The following PRSS50 variants were observed in gnomAD, a reference collection of about 807,000 sequenced individuals.
PRSS50 encodes probable threonine protease PRSS50.
Under a neutral mutation model 34.2 loss-of-function variants are expected in PRSS50, and 23 were observed. That is an observed-to-expected ratio of 0.67 (90% confidence interval 0.48 to 0.95). PRSS50 has a LOEUF of 0.95. Among genes scored for constraint, PRSS50 ranks in the 40% least tolerant of loss-of-function variants. The pLI is 0.00. For synonymous variants in PRSS50, 224 were observed against 211.2 expected (o/e 1.06, Z -0.53); for missense variants, 484 against 513.4 (o/e 0.94, Z 0.55).
chr3:46,714,640 C>T, intron 3 of PRSS50, 139 bp from the exon 4 acceptor site: 1 of 892,164 alleles, frequency 1.1e-6, no homozygotes, highest in Admixed American at 2.9e-5. Context: ...CCTGAGCCTA[C>T]TCCTCACCAC....
chr3:46,714,508 G>T lies in PRSS50; in HGVS notation c.471-7C>A, dbSNP rs532353494. On this transcript the variant is annotated splice_polypyrimidine_tract_variant and splice_region_variant and intron_variant, in intron 3 of 5. Transcript: ENST00000315170. Reference sequence around the variant, plus strand: ...TGAGTAGATAACATCACGCCTAGGGGGGCCGTGAGGGGAGGCCATGATCAG... The same window carrying T: ...TGAGTAGATAACATCACGCCTAGGGTGGCCGTGAGGGGAGGCCATGATCAG... The T allele has an allele frequency of 2.8e-5, 44 of 1,564,118 alleles. 1 individual carries two copies. In the South Asian group the frequency reaches 5.0e-4, roughly 18 times the overall value.
In PRSS50 at chr3:46,717,846, G is replaced by A. The variant is rs1052032311; in HGVS notation, c.-22C>T. 2.5e-5 allele frequency: 37 copies of A among 1,476,414 alleles called. No individual in the cohort carries two copies. The highest frequency in any genetic ancestry group is 3.3e-5 in the Non-Finnish European group (37 of 1,116,180). The allele number at this position is 1,476,414 out of a possible 1,614,324, so 91.5% of individuals were successfully genotyped here. ...CCATCCCGGGGTGGCAGCCGACTGC[G>A]TCTCTCCGGAAGGCGCTCCCAGTGC... On this transcript the variant is annotated 5_prime_UTR_variant, in exon 1 of 6. It adds an upstream start codon to the 5' untranslated region. Transcript: ENST00000315170. The surrounding 1 kb of genome is among the most constrained non-coding windows in gnomAD (Gnocchi z 4.5).
At chr3:46,714,083 C>T (rs2106793710) in intron 4 of PRSS50, 135 bp downstream of exon 4, 2 of 1,173,584 alleles carry the variant, frequency 1.7e-6, no homozygotes, top group South Asian at 3.2e-5. Flanking sequence ...AGATGAGAGC[C>T]TGGCAGGAAG....
In PRSS50 at chr3:46,717,708, G is replaced by T; in HGVS notation, c.106+11C>A. On this transcript the variant is annotated intron_variant, in intron 1 of 5. Coordinates refer to ENST00000315170, the MANE Select transcript of PRSS50 (RefSeq NM_013270.5). The surrounding 1 kb of genome is among the most constrained non-coding windows in gnomAD (Gnocchi z 4.5). ...GTCAGGCGGGTGGGGTAGGGATCGGGAGGGACTCACCTGCAGACCTCAGCA... is the reference window on the plus strand; with the variant it reads ...GTCAGGCGGGTGGGGTAGGGATCGGTAGGGACTCACCTGCAGACCTCAGCA... The T allele has an allele frequency of 6.3e-7, 1 of 1,598,126 alleles. No individual in the cohort carries two copies. The highest frequency in any genetic ancestry group is 1.1e-5 in the South Asian group (1 of 89,086).
rs7612286 is a variant in PRSS50 at position 46,717,777 on chromosome 3, C to A, written c.48G>T (p.Thr16=). ...GGGCACCGGCGCGGGAGGGGGCAGA[C>A]GTCCGGGGGCGCTGCCCGCGCGCGA... ...QTVARGQRPR[T]SAPSRAGALL... is the part of the protein sequence containing the mutation. Residue 16 remains threonine (T), a synonymous_variant, in exon 1 of 6, where the codon ACG becomes ACT. Transcript: ENST00000315170. This position sits in a 1 kb window ranked among gnomAD's most constrained non-coding sequence, Gnocchi z 4.5. The A allele has an allele frequency of 1.5e-5, 24 of 1,565,720 alleles. No individual in the cohort carries two copies. Among genetic ancestry groups the A allele is most frequent in the Non-Finnish European group, 2.1e-5 (24 of 1,156,976 alleles).
rs1575471502 is a variant in PRSS50, at chr3:46,712,159, C to T, written c.*87G>A. On this transcript the variant is annotated 3_prime_UTR_variant, in exon 6 of 6. Coordinates refer to ENST00000315170, the MANE Select transcript of PRSS50 (RefSeq NM_013270.5). ...TTTAATTGAGCACCTCATCTCCACC[C>T]TGACTCTCAGGGCTGTGACAGCTGC... 1 of 1,189,288 alleles carries T rather than the reference C, an allele frequency of 8.4e-7. No individual in the cohort carries two copies. The allele number at this position is 1,189,288 out of a possible 1,614,324, so 73.7% of individuals were successfully genotyped here. A position where few individuals can be genotyped will look rare whatever the true frequency, so the allele number is the denominator to read the frequency against.
rs1188388429 is a variant in PRSS50 at position 46,716,718 on chromosome 3, A to G, written c.307+719T>C. ...GCTCACTGCTGCAGCCGCTTTGGAA[A>G]ACAATTTCTCTAGATTGAAGATGCA... On this transcript the variant is annotated intron_variant, in intron 2 of 5. Coordinates refer to ENST00000315170, the MANE Select transcript of PRSS50 (RefSeq NM_013270.5). This position sits in a 1 kb window ranked among gnomAD's most constrained non-coding sequence, Gnocchi z 4.4. 1.3e-5 allele frequency among the ~76,000 whole-genome samples: 2 copies of G among 152,212 alleles called. No homozygotes were observed. Among genetic ancestry groups the G allele is most frequent in the Admixed American group, 6.5e-5 (1 of 15,284 alleles).
At position 46,715,911 on chromosome 3, in the gene PRSS50, C is replaced by A. The variant is rs964274070; in HGVS notation, c.308-214G>T. Among the ~76,000 whole-genome samples the A allele has an allele frequency of 2.6e-5, 4 of 152,174 alleles. No individual in the cohort carries two copies. The highest frequency in any genetic ancestry group is 9.7e-5 in the African/African-American group (4 of 41,436). On this transcript the variant is annotated intron_variant, in intron 2 of 5. Transcript: ENST00000315170. This position sits in a 1 kb window ranked among gnomAD's most constrained non-coding sequence, Gnocchi z 5.2. ...CTGCCCAGATATCTCTCTCCCTGTT[C>A]CCACAGCCCGGGCCCTAGAGCATCC...
Position 46,715,519 on chromosome 3 carries a change from C to T in PRSS50, c.470+16G>A. The T allele has an allele frequency of 2.5e-6, 4 of 1,604,842 alleles. No homozygotes were observed. The highest frequency in any genetic ancestry group is 3.4e-6 in the Non-Finnish European group (4 of 1,172,490). On this transcript the variant is annotated intron_variant, in intron 3 of 5. Transcript: ENST00000315170. The surrounding 1 kb of genome is among the most constrained non-coding windows in gnomAD (Gnocchi z 5.2). Reference sequence around the variant, plus strand: ...CCAAATACCTCTCCACCCACCCCACCTCAGCCTTGACTCACCAGATCAGGC... The same window carrying T: ...CCAAATACCTCTCCACCCACCCCACTTCAGCCTTGACTCACCAGATCAGGC...
intron 4 of PRSS50, 91 bp downstream of exon 4, chr3:46,714,127 C>T: frequency 6.7e-7 from 1 of 1,490,068 alleles, no homozygotes; most frequent in Non-Finnish European, 9.0e-7. Flanking sequence ...GGGGAAGGTG[C>T]CTCAGAAACA....
chr3:46,717,559 T>G lies in PRSS50; in HGVS notation c.185A>C (p.Lys62Thr). The change falls in exon 2 of 6, where the codon AAG (lysine) becomes ACG (threonine). Residue 62 changes from lysine (K) to threonine (T), a missense_variant. Coordinates refer to ENST00000315170, the MANE Select transcript of PRSS50 (RefSeq NM_013270.5). The surrounding 1 kb of genome is among the most constrained non-coding windows in gnomAD (Gnocchi z 4.5). ...PADQSVQCVP[K>T]ATCPSSRPRL... ...AGGCCGGCTGGAAGGACAGGTGGCC[T>G]TGGGGACACACTGGACGCTCTGGTC... is the stretch of plus-strand genomic sequence containing the variant. 6.2e-7 allele frequency: 1 copy of G among 1,613,794 alleles called. No homozygotes were observed. The highest frequency in any genetic ancestry group is 8.5e-7 in the Non-Finnish European group (1 of 1,179,980).
intron 4 of PRSS50, 72 bp from the exon 5 acceptor site, chr3:46,713,139 C>T: frequency 1.3e-6 from 2 of 1,552,648 alleles, no homozygotes; most frequent in East Asian, 2.2e-5. Flanking sequence ...CTCGTCCTCT[C>T]TCCACTGTTC....
chr3:46,714,153 AC>A, intron 4 of PRSS50, 64 bp downstream of exon 4: 2 of 1,561,150 alleles, frequency 1.3e-6, no homozygotes. Flanking sequence ...CTGTGGTGGC[AC>A]CCTGGCCTGC....
Position 46,712,320 on chromosome 3 carries a change from G to A in PRSS50, c.1084C>T (p.Leu362=). Residue 362 remains leucine (L), a synonymous_variant, in exon 6 of 6, where the codon CTG becomes TTG. Transcript: ENST00000315170. ...GTCCTGGATGGGGCTGGCAGGGCCA[G>A]GGCCTGCCCGTTGAGGCAGTCCCAG... The part of the protein sequence containing the change: ...WIWDCLNGQA[L]ALPAPSRTLL... The A allele has an allele frequency of 6.2e-7, 1 of 1,613,430 alleles. No individual in the cohort carries two copies. The highest frequency in any genetic ancestry group is 8.5e-7 in the Non-Finnish European group (1 of 1,179,836).
At position 46,714,375 on chromosome 3, in the gene PRSS50, G is replaced by A. The variant is rs774475531; in HGVS notation, c.597C>T (p.Ser199=). 1.2e-6 allele frequency: 2 copies of A among 1,613,940 alleles called. No individual in the cohort carries two copies. Among genetic ancestry groups the A allele is most frequent in the South Asian group, 2.2e-5 (2 of 91,060 alleles). The change falls in exon 4 of 6, where the codon TCC becomes TCT. Residue 199 remains serine, a synonymous_variant. Coordinates refer to ENST00000315170, the MANE Select transcript of PRSS50 (RefSeq NM_013270.5). ...HSRYRAQRFW[S]WVGQANDIGL... ...CGATGTCGTTGGCCTGGCCCACCCA[G>A]GACCAGAACCGCTGGGCCCGGTACC...
intron 4 of PRSS50, among the ~76,000 whole-genome samples, chr3:46,713,365 G>A (rs1700643186): frequency 6.6e-6 from 1 of 152,180 alleles, no homozygotes; most frequent in Non-Finnish European, 1.5e-5. Flanking sequence ...CTTCCCTCCT[G>A]AGGGCCTGCC....
At position 46,716,494 on chromosome 3, in the gene PRSS50, C is replaced by T. The variant is rs117223529; in HGVS notation, c.308-797G>A. Among the ~76,000 whole-genome samples the T allele has an allele frequency of 1.3e-3, 204 of 152,238 alleles. 3 individuals are homozygous for T. In the East Asian group the frequency reaches 0.029, roughly 21 times the overall value. On this transcript the variant is annotated intron_variant, in intron 2 of 5. Coordinates refer to ENST00000315170, the MANE Select transcript of PRSS50 (RefSeq NM_013270.5). This position sits in a 1 kb window ranked among gnomAD's most constrained non-coding sequence, Gnocchi z 4.4. ...GCCCAGGCAGGTCTCAAACTCCTGA[C>T]CTCAAGTGATCTTACTGCCTCAGCC...
chr3:46,716,453 A>G lies in PRSS50; in HGVS notation c.308-756T>C, dbSNP rs946004312. On this transcript the variant is annotated intron_variant, in intron 2 of 5. Transcript: ENST00000315170. The surrounding 1 kb of genome is among the most constrained non-coding windows in gnomAD (Gnocchi z 4.4). ...TTATTTTTTAATTTTTTGGAGAGAT[A>G]GAGTCCCACTATGTTGCCCAGGCAG... 6.6e-6 allele frequency among the ~76,000 whole-genome samples: 1 copy of G among 152,156 alleles called. No homozygotes were observed. Among genetic ancestry groups the G allele is most frequent in the African/African-American group, 2.4e-5 (1 of 41,408 alleles).
rs1321427795 is a variant in PRSS50 at position 46,717,853 on chromosome 3, C to T, written c.-29G>A. ...GGGGTGGCAGCCGACTGCGTCTCTC[C>T]GGAAGGCGCTCCCAGTGCCGCCCCC... On this transcript the variant is annotated 5_prime_UTR_variant, in exon 1 of 6. Transcript: ENST00000315170. This position sits in a 1 kb window ranked among gnomAD's most constrained non-coding sequence, Gnocchi z 4.5. 4.1e-6 allele frequency: 6 copies of T among 1,458,548 alleles called. No homozygotes were observed. Among genetic ancestry groups the T allele is most frequent in the Non-Finnish European group, 4.5e-6 (5 of 1,107,074 alleles). The allele number at this position is 1,458,548 out of a possible 1,614,324, so 90.4% of individuals were successfully genotyped here.
Sources: gnomAD v4.1 joint callset for allele counts (sites outside exome capture counted in the v4.1 genomes callset) on GRCh38, gnomAD v4.1.1 for gene constraint, Gnocchi (gnomAD v3.1) non-coding constraint, MANE v1.5 for transcripts, NCBI Gene and HGNC (gene_info 2026-07-23, HGNC 2026-07-21) for gene names.